Variants in BAIAP2L1 observed in about 807,000 individuals in gnomAD.
BAIAP2L1 encodes the protein BAR/IMD domain containing adaptor protein 2 like 1.
In BAIAP2L1, 35 loss-of-function variants were observed where a neutral mutation model predicts 66.3. The observed-to-expected ratio is 0.53, with a 90% CI of 0.40 to 0.70. BAIAP2L1 has a LOEUF of 0.70. Ranked by LOEUF, BAIAP2L1 falls within the 30% of genes least tolerant of loss-of-function variation. The probability of loss-of-function intolerance (pLI) is 0.00; values close to 1 mark genes in which losing one functional copy is unlikely to be tolerated. For synonymous variants in BAIAP2L1, 269 were observed against 248.7 expected (o/e 1.08, Z -0.77); for missense variants, 622 against 656.9 (o/e 0.95, Z 0.58).
intron 3 of BAIAP2L1, among the ~76,000 whole-genome samples, chr7:98,320,870 T>G (rs1359183038): frequency 6.6e-6 from 1 of 152,072 alleles, no homozygotes; most frequent in Non-Finnish European, 1.5e-5. Flanking sequence ...TGTCTTTTGT[T>G]TTTTGAGACA....
chr7:98,359,752 T>G (rs1345275379), intron 2 of BAIAP2L1, among the ~76,000 whole-genome samples: 5 of 148,738 alleles, frequency 3.4e-5, no homozygotes, highest in Admixed American at 2.7e-4. Context: ...TGGGTTTTTT[T>G]TTTTTTTTTT....
chr7:98,368,568 G>C (rs1802440584), intron 1 of BAIAP2L1, among the ~76,000 whole-genome samples: 1 of 152,122 alleles, frequency 6.6e-6, no homozygotes, highest in Admixed American at 6.6e-5. Context: ...GTGCGTGCTT[G>C]TAATCCCAGC....
At chr7:98,353,772 C>T (rs1042456839) in intron 3 of BAIAP2L1, among the ~76,000 whole-genome samples, 5 of 148,626 alleles carry the variant, frequency 3.4e-5, no homozygotes, top group African/African-American at 1.2e-4. Flanking sequence ...TCAGCCTGGC[C>T]AACATGGCGA....
intron 1 of BAIAP2L1, among the ~76,000 whole-genome samples, chr7:98,381,565 T>TGA (rs1161793223): frequency 1.3e-5 from 2 of 152,190 alleles, no homozygotes; most frequent in African/African-American, 4.8e-5. Flanking sequence ...GGAGCACCTA[T>TGA]GAGAGCCTGA....
chr7:98,361,828 C>A (rs1295224289), intron 2 of BAIAP2L1, among the ~76,000 whole-genome samples: 1 of 152,076 alleles, frequency 6.6e-6, no homozygotes, highest in Non-Finnish European at 1.5e-5. Flanking sequence ...CTCAGCCTCC[C>A]AGGCACAAGC....
rs1470149217 is a variant in BAIAP2L1, at chr7:98,293,373, CAG to C, written c.*146_*147del. ...AACTTGTCAACCCAACTACGTGAAA[CAG>C]AGAAGCATGATTTGCTTAAGCAGGC... On this transcript the variant is annotated 3_prime_UTR_variant, in exon 14 of 14. Transcript: ENST00000005260. 2.9e-5 allele frequency: 21 copies of C among 713,548 alleles called. No homozygotes were observed. Among genetic ancestry groups the C allele is most frequent in the Non-Finnish European group, 4.1e-5 (17 of 419,580 alleles). The allele number at this position is 713,548 out of a possible 1,614,324, so 44.2% of individuals were successfully genotyped here.
At chr7:98,363,058 G>A (rs1437538766) in intron 1 of BAIAP2L1, among the ~76,000 whole-genome samples, 15 of 129,716 alleles carry the variant, frequency 1.2e-4, no homozygotes, top group African/African-American at 4.1e-4. Flanking sequence ...TTTTTGAGAC[G>A]GAGTCTCACT....
At chr7:98,376,493 G>C (rs1020255395) in intron 1 of BAIAP2L1, among the ~76,000 whole-genome samples, 5 of 151,672 alleles carry the variant, frequency 3.3e-5, no homozygotes, top group African/African-American at 9.7e-5. Context: ...CCTGAGCAAG[G>C]CAGAGGGAGA....
intron 12 of BAIAP2L1, among the ~76,000 whole-genome samples, chr7:98,299,479 A>G (rs1800332506): frequency 6.7e-6 from 1 of 149,560 alleles, no homozygotes; most frequent in Non-Finnish European, 1.5e-5. Flanking sequence ...TTTGAGCCTC[A>G]GCCATGGTAC....
At chr7:98,308,684 G>A (rs115435700) in intron 9 of BAIAP2L1, 3,800 of 204,662 alleles carry the variant, frequency 0.019, 148 homozygotes, top group African/African-American at 0.082. Context: ...ATATATGTAT[G>A]TATATACATT....
chr7:98,306,702 A>G (rs980296400), intron 10 of BAIAP2L1, 186 bp from the exon 11 acceptor site: 2 of 863,488 alleles, frequency 2.3e-6, no homozygotes, highest in Non-Finnish European at 3.4e-6. Context: ...AACAATGTGT[A>G]TTGTTAACAA....
In BAIAP2L1 at chr7:98,327,000, T is replaced by C. The variant is rs141797274; in HGVS notation, c.215-6702A>G. Among the ~76,000 whole-genome samples, 31 of 152,302 alleles carry C rather than the reference T, an allele frequency of 2.0e-4. No individual in the cohort carries two copies. In the East Asian group the frequency reaches 4.4e-3, roughly 22 times the overall value. Reference sequence around the variant, plus strand: ...AATTTTATACTCAGCGGACATAAAATGACTTGGACAGTATTCCAGCTGAGA... The same window carrying C: ...AATTTTATACTCAGCGGACATAAAACGACTTGGACAGTATTCCAGCTGAGA... On this transcript the variant is annotated intron_variant, in intron 3 of 13. Transcript: ENST00000005260.
chr7:98,342,575 T>C (rs1801769680), intron 3 of BAIAP2L1, among the ~76,000 whole-genome samples: 1 of 152,172 alleles, frequency 6.6e-6, no homozygotes, highest in Non-Finnish European at 1.5e-5. Flanking sequence ...AAACAATAAA[T>C]GATTCAAAAT....
At chr7:98,354,448 G>A (rs1802074337) in intron 3 of BAIAP2L1, among the ~76,000 whole-genome samples, 2 of 152,126 alleles carry the variant, frequency 1.3e-5, no homozygotes, top group Admixed American at 1.3e-4. Flanking sequence ...TTAAATGAGA[G>A]TGCTGTGTGG....
intron 1 of BAIAP2L1, chr7:98,386,395 C>A: frequency 6.3e-7 from 1 of 1,593,148 alleles, no homozygotes; most frequent in South Asian, 1.1e-5. Flanking sequence ...AACACACGAC[C>A]CTTGAGACCA....
intron 3 of BAIAP2L1, among the ~76,000 whole-genome samples, chr7:98,331,680 CTG>C (rs1338035822): frequency 3.9e-5 from 6 of 152,028 alleles, no homozygotes; most frequent in African/African-American, 1.4e-4. Context: ...GTTGGCCAGA[CTG>C]TGTTTCGAAA....
intron 1 of BAIAP2L1, chr7:98,386,130 G>A (rs1433276482): frequency 6.3e-7 from 1 of 1,592,684 alleles, no homozygotes; most frequent in East Asian, 2.2e-5. Flanking sequence ...GAGCATAAGA[G>A]GTCTTCCGTA....
intron 2 of BAIAP2L1, 22 bp downstream of exon 2, chr7:98,362,335 C>T (rs1802290059): frequency 6.4e-7 from 1 of 1,554,566 alleles, no homozygotes; most frequent in South Asian, 1.2e-5. Flanking sequence ...TATATATAAT[C>T]AATTCAGAAA....
intron 1 of BAIAP2L1, among the ~76,000 whole-genome samples, chr7:98,371,377 T>C (rs907015339): frequency 6.6e-6 from 1 of 152,188 alleles, no homozygotes; most frequent in African/African-American, 2.4e-5. Context: ...CTCTTCTACT[T>C]GTGCTGAGTC....
Sources: gnomAD v4.1 joint callset for allele counts (sites outside exome capture counted in the v4.1 genomes callset) on GRCh38, gnomAD v4.1.1 for gene constraint, MANE v1.5 for transcripts, NCBI Gene and HGNC (gene_info 2026-07-23, HGNC 2026-07-21) for gene names.